The following A4GNT variants were observed in gnomAD, a reference collection of about 807,000 sequenced individuals.
A4GNT encodes the protein alpha-1,4-N-acetylglucosaminyltransferase.
In A4GNT, 6 loss-of-function variants were observed where a neutral mutation model predicts 8.3. The observed-to-expected ratio is 0.72, with a 90% CI of 0.39 to 1.42. The LOEUF is 1.42. Among genes scored for constraint, A4GNT ranks in the 40% most tolerant of loss-of-function variants. A4GNT has a pLI of 0.02. For synonymous variants in A4GNT, 157 were observed against 159.8 expected (o/e 0.98, Z 0.13); for missense variants, 377 against 417.0 (o/e 0.90, Z 0.84).
chr3:138,133,033 G>A (rs946960083), upstream of A4GNT, among the ~76,000 whole-genome samples: 3 of 152,222 alleles, frequency 2.0e-5, no homozygotes, highest in East Asian at 1.9e-4. Flanking sequence ...ATTCTCCACC[G>A]CCCCTGAAAT....
In A4GNT at chr3:138,124,867, G is replaced by A. The variant is rs151221028; in HGVS notation, c.420C>T (p.Ser140=). Residue 140 remains serine, a synonymous_variant, in exon 3 of 3, where the codon AGC becomes AGT. Transcript: ENST00000236709. ...TGATGTGGAGCCAGTTTCTCTCTGC[G>A]CTGGCGTTGATCTGCAGGAGCAGGT... is the stretch of plus-strand genomic sequence containing the variant. ...LFSWYNQINA[S]AERNWLHISS... The A allele has an allele frequency of 3.4e-4, 552 of 1,610,578 alleles. 1 individual carries two copies. Among genetic ancestry groups the A allele is most frequent in the Middle Eastern group, 2.6e-3 (13 of 4,922 alleles).
intron 2 of A4GNT, among the ~76,000 whole-genome samples, chr3:138,130,108 G>A (rs1335959397): frequency 6.6e-6 from 1 of 150,790 alleles, no homozygotes; most frequent in Non-Finnish European, 1.5e-5. Context: ...CAATAGATGT[G>A]TGTGGGTTTT....
Position 138,126,793 on chromosome 3 carries a change from T to C in A4GNT, c.409-1915A>G, listed in dbSNP as rs138761374. 2.0e-4 allele frequency among the ~76,000 whole-genome samples: 28 copies of C among 137,882 alleles called. No homozygotes were observed. The East Asian group carries it at 6.3e-3, about 31-fold the overall frequency. 90.5% of individuals were successfully genotyped at this position (137,882 alleles called of 152,430 possible). The stretch of plus-strand genomic sequence containing the variant: ...GTGAGGAAAGATTGTACCATTGCAC[T>C]CCAGCCTGGGCCACGAGAGTGAAAC... On this transcript the variant is annotated intron_variant, in intron 2 of 2. Coordinates refer to ENST00000236709, the MANE Select transcript of A4GNT (RefSeq NM_016161.3).
chr3:138,124,034 G>A lies in A4GNT; in HGVS notation c.*230C>T. On this transcript the variant is annotated 3_prime_UTR_variant, in exon 3 of 3. Transcript: ENST00000236709. ...TTTTCTTCATCCTACTGCCTGAAATGCAAACATGGTGGGTTGGAGGTCAAG... is the reference window on the plus strand; with the variant it reads ...TTTTCTTCATCCTACTGCCTGAAATACAAACATGGTGGGTTGGAGGTCAAG... 1 of 520,580 alleles carries A rather than the reference G, an allele frequency of 1.9e-6. No homozygotes were observed. Among genetic ancestry groups the A allele is most frequent in the Non-Finnish European group, 3.3e-6 (1 of 303,298 alleles). The allele number at this position is 520,580 out of a possible 1,614,324, so 32.2% of individuals were successfully genotyped here.
rs143852911 is a variant in A4GNT at position 138,124,704 on chromosome 3, A to G, written c.583T>C (p.Phe195Leu). 230 of 1,614,106 alleles carry G rather than the reference A, an allele frequency of 1.4e-4. No individual in the cohort carries two copies. The highest frequency in any genetic ancestry group is 1.9e-4 in the Non-Finnish European group (221 of 1,180,056). Residue 195 changes from phenylalanine to leucine, a missense_variant, in exon 3 of 3, where the codon TTT (phenylalanine) becomes CTT (leucine). Coordinates refer to ENST00000236709, the MANE Select transcript of A4GNT (RefSeq NM_016161.3). ...QASRYSSNGI[F>L]GFLPHHPFLW... ...AAGGGGTGGTGGGGGAGGAACCCAA[A>G]TATTCCATTACTAGAGTACCGAGAA... is the stretch of plus-strand genomic sequence containing the variant.
In A4GNT at chr3:138,131,063, T is replaced by C. The variant is rs769822496; in HGVS notation, c.194A>G (p.His65Arg). ...LETSERMEPP[H>R]LVSCSVESAA... ...AGACTCTACGGAACAGGAGACCAAATGGGGTGGCTCCATTCTCTCTGAGGT... is the reference window on the plus strand; with the variant it reads ...AGACTCTACGGAACAGGAGACCAAACGGGGTGGCTCCATTCTCTCTGAGGT... The change falls in exon 2 of 3, where the codon CAT (histidine) becomes CGT (arginine). Residue 65 changes from histidine to arginine, a missense_variant. Physicochemically the swap from His to Arg is conservative, Grantham distance 29 (BLOSUM62 0). Coordinates refer to ENST00000236709, the MANE Select transcript of A4GNT (RefSeq NM_016161.3). 113 of 1,613,614 alleles carry C rather than the reference T, an allele frequency of 7.0e-5. No homozygotes were observed. The highest frequency in any genetic ancestry group is 9.2e-5 in the Non-Finnish European group (108 of 1,179,822).
intron 2 of A4GNT, among the ~76,000 whole-genome samples, chr3:138,128,768 T>A (rs1435586492): frequency 2.0e-5 from 3 of 151,962 alleles, no homozygotes; most frequent in Non-Finnish European, 2.9e-5. Flanking sequence ...GGGTGTCCCC[T>A]CCACTCCCAG....
upstream of A4GNT, chr3:138,132,508 C>T (rs192372100): frequency 2.0e-5 from 3 of 152,322 alleles, no homozygotes; most frequent in East Asian, 5.8e-4. Flanking sequence ...CAGGAAGCTC[C>T]TCCCTTTACT....
chr3:138,127,232 C>T (rs1422686203), intron 2 of A4GNT, among the ~76,000 whole-genome samples: 1 of 151,374 alleles, frequency 6.6e-6, no homozygotes, highest in Non-Finnish European at 1.5e-5. Flanking sequence ...TTAATCTACG[C>T]GAGTCCTCAA....
Position 138,131,222 on chromosome 3 carries a change from GTGACTGACAGGGAGAGC to G in A4GNT, c.18_34del (p.Gln6HisfsTer69). 2 of 1,601,274 alleles carry G rather than the reference GTGACTGACAGGGAGAGC, an allele frequency of 1.2e-6. No homozygotes were observed. Among genetic ancestry groups the G allele is most frequent in the Non-Finnish European group, 1.7e-6 (2 of 1,169,510 alleles). On this transcript the variant is annotated frameshift_variant, in exon 2 of 3. Transcript: ENST00000236709. LOFTEE classifies it high-confidence loss of function. The stretch of plus-strand genomic sequence containing the variant: ...GAGGAAGCCACAGACAAGCAGCAAG[GTGACTGACAGGGAGAGC>G]TGGAGCTCCTTCCGCATGTCCTCTT...
chr3:138,127,390 A>G (rs150910170), intron 2 of A4GNT, among the ~76,000 whole-genome samples: 463 of 151,936 alleles, frequency 3.0e-3, no homozygotes, highest in African/African-American at 0.011. Flanking sequence ...CCTGGCCAAC[A>G]TGGTGAAACC....
Position 138,131,140 on chromosome 3 carries a change from G to C in A4GNT, c.117C>G (p.His39Gln), listed in dbSNP as rs2042774365. 1.2e-6 allele frequency: 2 copies of C among 1,613,466 alleles called. No homozygotes were observed. Among genetic ancestry groups the C allele is most frequent in the African/African-American group, 2.7e-5 (2 of 74,814 alleles). Reference protein sequence around the residue: ...CLFCLPSFKSHQGLEALLSHR... With the variant: ...CLFCLPSFKSQQGLEALLSHR... ...GGCTCAGGAGGGCTTCCAGCCCCTG[G>C]TGGGACTTGAAAGAAGGCAAACAGA... is the stretch of plus-strand genomic sequence containing the variant. Residue 39 changes from histidine (H) to glutamine (Q), a missense_variant, in exon 2 of 3, where the codon CAC becomes CAG. Transcript: ENST00000236709.
rs1209935898 is a variant in A4GNT, at chr3:138,127,863, T to C, written c.409-2985A>G. 3.3e-5 allele frequency among the ~76,000 whole-genome samples: 5 copies of C among 152,328 alleles called. No individual in the cohort carries two copies. In the South Asian group the frequency reaches 8.3e-4, roughly 25 times the overall value. ...GCTCAGTATCCCTAGGGTATTGTGGTATGATCCCTATAGATGTACAGCCTA... is the reference window on the plus strand; with the variant it reads ...GCTCAGTATCCCTAGGGTATTGTGGCATGATCCCTATAGATGTACAGCCTA... On this transcript the variant is annotated intron_variant, in intron 2 of 2. Coordinates refer to ENST00000236709, the MANE Select transcript of A4GNT (RefSeq NM_016161.3).
At position 138,131,200 on chromosome 3, in the gene A4GNT, G is replaced by A. The variant is rs893078334; in HGVS notation, c.57C>T (p.Phe19=). The part of the protein sequence containing the change: ...LSVTLLLVCG[F]LYQFTLKSSC... Reference sequence around the variant, plus strand: ...TGGACTTCAGGGTGAACTGGTAGAGGAAGCCACAGACAAGCAGCAAGGTGA... The same window carrying A: ...TGGACTTCAGGGTGAACTGGTAGAGAAAGCCACAGACAAGCAGCAAGGTGA... Residue 19 remains phenylalanine (F), a synonymous_variant, in exon 2 of 3, where the codon TTC becomes TTT. Coordinates refer to ENST00000236709, the MANE Select transcript of A4GNT (RefSeq NM_016161.3). 3 of 1,609,992 alleles carry A rather than the reference G, an allele frequency of 1.9e-6. No homozygotes were observed. In the African/African-American group the frequency reaches 4.0e-5, roughly 22 times the overall value.
rs1263673108 is a variant in A4GNT, at chr3:138,124,742, A to G, written c.545T>C (p.Leu182Ser). 1 of 1,614,182 alleles carries G rather than the reference A, an allele frequency of 6.2e-7. No homozygotes were observed. Among genetic ancestry groups the G allele is most frequent in the Non-Finnish European group, 8.5e-7 (1 of 1,180,018 alleles). ...SIRPIPEENF[L>S]AAQASRYSSN... ...AGAGTACCGAGAAGCCTGCGCAGCC[A>G]AAAAGTTCTCCTCAGGGATGGGCCT... Residue 182 changes from leucine to serine, a missense_variant, in exon 3 of 3, where the codon TTG becomes TCG. Physicochemically the swap from Leu to Ser is moderately radical, Grantham distance 145. Transcript: ENST00000236709.
At chr3:138,127,296 C>T (rs1016298280) in intron 2 of A4GNT, among the ~76,000 whole-genome samples, 2 of 151,660 alleles carry the variant, frequency 1.3e-5, no homozygotes, top group Non-Finnish European at 2.9e-5. Context: ...TGACCAGGGG[C>T]GGGGCACAGT....
chr3:138,125,903 G>C (rs1417596757), intron 2 of A4GNT, among the ~76,000 whole-genome samples: 1 of 152,144 alleles, frequency 6.6e-6, no homozygotes, highest in African/African-American at 2.4e-5. Flanking sequence ...TGAGAAGGGA[G>C]TGGGGTAGGC....
rs538771809 is a variant in A4GNT at position 138,124,493 on chromosome 3, T to C, written c.794A>G (p.Tyr265Cys). Reference protein sequence around the residue: ...LHPQRFYPISYREWRRYYEVW... With the variant: ...LHPQRFYPISCREWRRYYEVW... ...TTCATAGTAGCGCCTCCACTCTCGA[T>C]AGGAGATGGGGTAAAATCTTTGGGG... is the stretch of plus-strand genomic sequence containing the variant. The change falls in exon 3 of 3, where the codon TAT (tyrosine) becomes TGT (cysteine). Residue 265 changes from tyrosine to cysteine, a missense_variant. Physicochemically the swap from Tyr to Cys is radical, Grantham distance 194. Coordinates refer to ENST00000236709, the MANE Select transcript of A4GNT (RefSeq NM_016161.3). 6.2e-6 allele frequency: 10 copies of C among 1,614,256 alleles called. No homozygotes were observed. The highest frequency in any genetic ancestry group is 5.5e-5 in the South Asian group (5 of 91,090).
At chr3:138,132,671 G>C (rs2042784933), upstream of A4GNT, among the ~76,000 whole-genome samples, 1 of 152,154 alleles carries the variant, frequency 6.6e-6, no homozygotes, top group Non-Finnish European at 1.5e-5. Context: ...CATAACCTTG[G>C]AGCCAACATA....
Sources: gnomAD v4.1 joint callset for allele counts (sites outside exome capture counted in the v4.1 genomes callset) on GRCh38, gnomAD v4.1.1 for gene constraint, MANE v1.5 for transcripts, NCBI Gene and HGNC (gene_info 2026-07-23, HGNC 2026-07-21) for gene names.